The following KIF18B variants were observed in gnomAD, a reference collection of about 807,000 sequenced individuals.
The protein encoded by KIF18B is kinesin family member 18B, also known as kinesin-like protein KIF18B.
In KIF18B, 49 loss-of-function variants were observed where a neutral mutation model predicts 80.9. The observed-to-expected ratio is 0.61, with a 90% CI of 0.48 to 0.77. The LOEUF is 0.77. Among genes scored for constraint, KIF18B ranks in the 30% least tolerant of loss-of-function variants. The probability of loss-of-function intolerance (pLI) is 0.00; values close to 1 mark genes in which losing one functional copy is unlikely to be tolerated. For missense variants in KIF18B, 994 were observed against 1,127.7 expected (o/e 0.88, Z 1.70); for synonymous variants, 439 against 463.9 (o/e 0.95, Z 0.69).
chr17:44,932,427 C>T, intron 9 of KIF18B: 4 of 603,512 alleles, frequency 6.6e-6, no homozygotes, highest in Non-Finnish European at 5.8e-6. Context: ...CAATGACACA[C>T]ACCCCTAAGT....
At chr17:44,933,787 C>T (rs1597882961) in intron 7 of KIF18B, 136 bp downstream of exon 7, 1 of 863,242 alleles carries the variant, frequency 1.2e-6, no homozygotes, top group Non-Finnish European at 1.7e-6. Flanking sequence ...GCCACCATGT[C>T]CAGGCCAGAG....
intron 1 of KIF18B, among the ~76,000 whole-genome samples, chr17:44,936,618 ATATATATTTTTTTTTTT>A (rs2052312047): frequency 4.7e-4 from 34 of 72,750 alleles, no homozygotes; most frequent in African/African-American, 1.9e-3. Context: ...ATATATATAT[ATATATATTTTTTTTTTT>A]TTTTTTTTTT....
chr17:44,939,056 T>A (rs1400887956), intron 1 of KIF18B, among the ~76,000 whole-genome samples: 4 of 129,088 alleles, frequency 3.1e-5, no homozygotes, highest in Admixed American at 2.4e-4. Flanking sequence ...AAAAAAAAAA[T>A]TAATTAATTA....
chr17:44,946,124 T>C (rs2052509005), intron 1 of KIF18B, among the ~76,000 whole-genome samples: 1 of 152,124 alleles, frequency 6.6e-6, no homozygotes, highest in African/African-American at 2.4e-5. Flanking sequence ...AAAGATTATG[T>C]TTTATACAAT....
rs2052011713 is a variant in KIF18B at position 44,925,754 on chromosome 17, C to T, written c.*326G>A. The T allele has an allele frequency of 3.0e-6, 1 of 329,128 alleles. No individual in the cohort carries two copies. Among genetic ancestry groups the T allele is most frequent in the Admixed American group, 4.9e-5 (1 of 20,254 alleles). The allele number at this position is 329,128 out of a possible 1,614,324, so 20.4% of individuals were successfully genotyped here. ...CAAGATCGTACCACTGCACTCCAGC[C>T]TGGGCGACAGAGTAAGACTCCATCT... On this transcript the variant is annotated 3_prime_UTR_variant, in exon 16 of 16. Coordinates refer to ENST00000593135, the MANE Select transcript of KIF18B (RefSeq NM_001265577.2).
rs754270015 is a variant in KIF18B, at chr17:44,936,294, G to A, written c.51C>T (p.Pro17=). The A allele has an allele frequency of 1.2e-6, 2 of 1,609,966 alleles. No homozygotes were observed. Among genetic ancestry groups the A allele is most frequent in the East Asian group, 2.2e-5 (1 of 44,806 alleles). ...TLQVVVRVRP[P]TPRELDSQRR... The stretch of plus-strand genomic sequence containing the variant: ...GCTGACTGTCCAGCTCCCGAGGGGT[G>A]GGGGGCCGCACCCGTACCACTACTT... The change falls in exon 2 of 16, where the codon CCC becomes CCT. Residue 17 remains proline (P), a synonymous_variant. Transcript: ENST00000593135.
At chr17:44,929,681 G>A (rs892813634) in intron 11 of KIF18B, among the ~76,000 whole-genome samples, 1 of 152,196 alleles carries the variant, frequency 6.6e-6, no homozygotes, top group Non-Finnish European at 1.5e-5. Flanking sequence ...CCTGTAAAAT[G>A]GAAATAATAC....
At chr17:44,947,066 G>C (rs1359022943) in intron 1 of KIF18B, among the ~76,000 whole-genome samples, 2 of 127,770 alleles carry the variant, frequency 1.6e-5, no homozygotes, top group Non-Finnish European at 3.1e-5. Flanking sequence ...CCAAGATCGC[G>C]CCATTGCACT....
chr17:44,928,710 C>G, intron 12 of KIF18B, 109 bp downstream of exon 12: 1 of 1,403,842 alleles, frequency 7.1e-7, no homozygotes, highest in South Asian at 1.4e-5. Flanking sequence ...GCCCAGCCTC[C>G]TACAGCAGCA....
chr17:44,928,091 A>G lies in KIF18B; in HGVS notation c.2211T>C (p.His737=). ...GTATTTTGTCCCAGCCAATGCATTC[A>G]TGGAAACTGGGCTTTGAGGGAGGCT... ...SEEPPSKPSF[H]ECIGWDKIPQ... The change falls in exon 13 of 16, where the codon CAT becomes CAC. Residue 737 remains histidine, a synonymous_variant. Transcript: ENST00000593135. The G allele has an allele frequency of 6.4e-7, 1 of 1,562,494 alleles. No homozygotes were observed. Among genetic ancestry groups the G allele is most frequent in the Non-Finnish European group, 8.6e-7 (1 of 1,156,662 alleles).
intron 1 of KIF18B, among the ~76,000 whole-genome samples, chr17:44,936,602 A>C (rs373941447): frequency 0.032 from 1,323 of 40,816 alleles, 13 homozygotes; most frequent in Non-Finnish European, 0.043. Context: ...CTCTCTCTAT[A>C]TATATATATA....
Position 44,936,170 on chromosome 17 carries a change from C to G in KIF18B, c.175G>C (p.Asp59His), listed in dbSNP as rs776523420. The stretch of plus-strand genomic sequence containing the variant: ...TCTTTGCCCTTCTTCTTGGGGCCAT[C>G]ATGGGTGCCACCCCATTTCAGGCCA... ...FPGLKWGGTHDGPKKKGKDLT... is the reference protein window; with the variant it reads ...FPGLKWGGTHHGPKKKGKDLT... Residue 59 changes from aspartate to histidine, a missense_variant, in exon 2 of 16, where the codon GAT becomes CAT. Asp to His is a moderately conservative substitution (Grantham distance 81). Coordinates refer to ENST00000593135, the MANE Select transcript of KIF18B (RefSeq NM_001265577.2). 34 of 1,613,060 alleles carry G rather than the reference C, an allele frequency of 2.1e-5. No individual in the cohort carries two copies. Among genetic ancestry groups the G allele is most frequent in the Middle Eastern group, 3.3e-4 (2 of 6,082 alleles).
At chr17:44,933,626 G>A (rs545732689) in intron 7 of KIF18B, among the ~76,000 whole-genome samples, 32 of 152,066 alleles carry the variant, frequency 2.1e-4, no homozygotes, top group Non-Finnish European at 4.6e-4. Context: ...CAGAGTAGCT[G>A]GGATTACAGG....
Position 44,925,527 on chromosome 17 carries a change from T to C in KIF18B, c.*553A>G, listed in dbSNP as rs542021330. ...CAGGCGTGGTAGCTCATGCCTGTAATCTCAGCACTTTGGGAAGCTGAGGCA... is the reference window on the plus strand; with the variant it reads ...CAGGCGTGGTAGCTCATGCCTGTAACCTCAGCACTTTGGGAAGCTGAGGCA... On this transcript the variant is annotated 3_prime_UTR_variant, in exon 16 of 16. Coordinates refer to ENST00000593135, the MANE Select transcript of KIF18B (RefSeq NM_001265577.2). The C allele has an allele frequency of 2.4e-5, 4 of 165,332 alleles. No homozygotes were observed. The highest frequency in any genetic ancestry group is 9.8e-5 in the African/African-American group (4 of 40,934). 10.2% of individuals were successfully genotyped at this position (165,332 alleles called of 1,614,324 possible). A position where few individuals can be genotyped will look rare whatever the true frequency, so the allele number is the denominator to read the frequency against.
intron 1 of KIF18B, among the ~76,000 whole-genome samples, chr17:44,942,575 T>A (rs910427160): frequency 1.1e-4 from 17 of 152,160 alleles, no homozygotes; most frequent in Non-Finnish European, 1.8e-4. Flanking sequence ...CCCCTTCATC[T>A]CTCCTTCACA....
intron 11 of KIF18B, among the ~76,000 whole-genome samples, chr17:44,930,564 C>T (rs765984698): frequency 2.6e-5 from 4 of 152,292 alleles, no homozygotes; most frequent in African/African-American, 4.8e-5. Flanking sequence ...GCTGTTAGGA[C>T]GTTTCCAAAC....
chr17:44,928,826 T>C lies in KIF18B; in HGVS notation c.1716A>G (p.Ser572=), dbSNP rs1361172964. The C allele has an allele frequency of 1.2e-6, 2 of 1,613,478 alleles. No homozygotes were observed. The highest frequency in any genetic ancestry group is 2.2e-5 in the East Asian group (1 of 44,872). ...GAGCAGGATGAGACTCACTTGACTC[T>C]GAACACAGCTCCTGAGCCAGAGGTG... is the stretch of plus-strand genomic sequence containing the variant. The part of the protein sequence containing the change: ...RGAPLAQELC[S]ESIPVPSPLC... Residue 572 remains serine (S), a synonymous_variant, in exon 12 of 16, where the codon TCA becomes TCG. Transcript: ENST00000593135.
At chr17:44,929,602 T>C (rs902959613) in intron 11 of KIF18B, among the ~76,000 whole-genome samples, 3 of 152,218 alleles carry the variant, frequency 2.0e-5, no homozygotes, top group African/African-American at 7.2e-5. Flanking sequence ...AATGAGTTAC[T>C]TTACAGACAA....
intron 7 of KIF18B, 71 bp downstream of exon 7, chr17:44,933,852 C>G: frequency 4.9e-6 from 7 of 1,425,314 alleles, no homozygotes; most frequent in Non-Finnish European, 6.6e-6. Flanking sequence ...TTGGAGCTGC[C>G]TGGGTCCCAC....
Sources: gnomAD v4.1 joint callset for allele counts (sites outside exome capture counted in the v4.1 genomes callset) on GRCh38, gnomAD v4.1.1 for gene constraint, MANE v1.5 for transcripts, NCBI Gene and HGNC (gene_info 2026-07-23, HGNC 2026-07-21) for gene names.